The following LYRM2 variants were observed in gnomAD, a reference collection of about 807,000 sequenced individuals.
LYRM2 encodes the protein LYR motif containing 2.
LYRM2 carries 8 observed loss-of-function variants against 11.6 expected under a neutral mutation model. The observed-to-expected ratio is 0.69, with a 90% CI of 0.40 to 1.24. The LOEUF is 1.24. LYRM2 is among the 50% of genes most tolerant of loss of function. LYRM2 has a pLI of 0.01. For synonymous variants in LYRM2, 30 were observed against 36.4 expected, an observed-to-expected ratio of 0.83 and a Z score of 0.63; for missense variants, 117 against 102.9, an observed-to-expected ratio of 1.14 and a Z score of -0.59.
chr6:89,638,726 A>C lies in LYRM2; in HGVS notation c.-10T>G, dbSNP rs1395159112. On this transcript the variant is annotated 5_prime_UTR_variant, in exon 1 of 3. Coordinates refer to ENST00000523377, the MANE Select transcript of LYRM2 (RefSeq NM_020466.5). ...AGCGGGAAGCAGCCATGTCCACCAG[A>C]GGTCCGCCGGAGCCTCAGCGCGCAG... 1 of 1,613,828 alleles carries C rather than the reference A, an allele frequency of 6.2e-7. No individual in the cohort carries two copies. The highest frequency in any genetic ancestry group is 1.3e-5 in the African/African-American group (1 of 74,918).
rs1346306780 is a variant in LYRM2, at chr6:89,633,974, G to A, written c.*3299C>T. The A allele has an allele frequency of 1.3e-5, 2 of 152,166 alleles. No homozygotes were observed. Among genetic ancestry groups the A allele is most frequent in the African/African-American group, 4.8e-5 (2 of 41,440 alleles). 9.4% of individuals were successfully genotyped at this position (152,166 alleles called of 1,614,324 possible). A position where few individuals can be genotyped will look rare whatever the true frequency, so the allele number is the denominator to read the frequency against. ...TACATTGGCTGTAAAGTCGCGATCA[G>A]GTGCTCTCCACCAAAAGCAAAACAA... On this transcript the variant is annotated 3_prime_UTR_variant, in exon 3 of 3. Coordinates refer to ENST00000523377, the MANE Select transcript of LYRM2 (RefSeq NM_020466.5).
chr6:89,637,381 A>G (rs1210498831), intron 2 of LYRM2, 28 bp from the exon 3 acceptor site: 1 of 1,440,884 alleles, frequency 6.9e-7, no homozygotes, highest in African/African-American at 1.4e-5. Context: ...ATCTGGTTAT[A>G]GTTTTACCTG....
rs1808012395 is a variant in LYRM2 at position 89,636,639 on chromosome 6, T to C, written c.*634A>G. The C allele has an allele frequency of 6.6e-6, 1 of 152,234 alleles. No homozygotes were observed. The allele number at this position is 152,234 out of a possible 1,614,324, so 9.4% of individuals were successfully genotyped here. A position where few individuals can be genotyped will look rare whatever the true frequency, so the allele number is the denominator to read the frequency against. On this transcript the variant is annotated 3_prime_UTR_variant, in exon 3 of 3. Coordinates refer to ENST00000523377, the MANE Select transcript of LYRM2 (RefSeq NM_020466.5). ...CACCAAGACTTATTATTATTTCTCT[T>C]TTTAATTACAGCCATTCTAGTGAAT...
rs1425061115 is a variant in LYRM2, at chr6:89,633,147, G to C, written c.*4126C>G. The C allele has an allele frequency of 6.6e-6, 1 of 152,102 alleles. No individual in the cohort carries two copies. The highest frequency in any genetic ancestry group is 2.4e-5 in the African/African-American group (1 of 41,398). The allele number at this position is 152,102 out of a possible 1,614,324, so 9.4% of individuals were successfully genotyped here. Reference sequence around the variant, plus strand: ...AAGAGACTACAGAAGAATGAGAAGGGTCAAAAGGACCTAGTGTGGCTTACT... The same window carrying C: ...AAGAGACTACAGAAGAATGAGAAGGCTCAAAAGGACCTAGTGTGGCTTACT... On this transcript the variant is annotated 3_prime_UTR_variant, in exon 3 of 3. Transcript: ENST00000523377.
rs1032523778 is a variant in LYRM2 at position 89,634,334 on chromosome 6, A to G, written c.*2939T>C. 1.3e-5 allele frequency: 2 copies of G among 152,166 alleles called. No individual in the cohort carries two copies. 9.4% of individuals were successfully genotyped at this position (152,166 alleles called of 1,614,324 possible). On this transcript the variant is annotated 3_prime_UTR_variant, in exon 3 of 3. Coordinates refer to ENST00000523377, the MANE Select transcript of LYRM2 (RefSeq NM_020466.5). ...ACTCTTTCCCTTTGATACGACTATA[A>G]TATTATAAACAGCAAGGAATATGTT... is the stretch of plus-strand genomic sequence containing the variant.
At chr6:89,637,609 A>T (rs1236718177) in intron 2 of LYRM2, 133 bp downstream of exon 2, 2 of 804,690 alleles carry the variant, frequency 2.5e-6, no homozygotes, top group Non-Finnish European at 3.9e-6. Flanking sequence ...AAAATCGGTA[A>T]CATTACAAGC....
At position 89,636,171 on chromosome 6, in the gene LYRM2, C is replaced by T. The variant is rs1245183694; in HGVS notation, c.*1102G>A. 1.3e-5 allele frequency: 2 copies of T among 152,194 alleles called. No individual in the cohort carries two copies. Among genetic ancestry groups the T allele is most frequent in the Non-Finnish European group, 2.9e-5 (2 of 68,032 alleles). 9.4% of individuals were successfully genotyped at this position (152,194 alleles called of 1,614,324 possible). A position where few individuals can be genotyped will look rare whatever the true frequency, so the allele number is the denominator to read the frequency against. On this transcript the variant is annotated 3_prime_UTR_variant, in exon 3 of 3. Transcript: ENST00000523377. ...TTATTGAGATACAATTCATACCTTA[C>T]ATTTAAAATGTACAGTTCAGTGGAT...
rs764225641 is a variant in LYRM2, at chr6:89,637,853, G to A, written c.75C>T (p.Leu25=). Residue 25 remains leucine, a synonymous_variant, in exon 2 of 3, where the codon CTC becomes CTT. Coordinates refer to ENST00000523377, the MANE Select transcript of LYRM2 (RefSeq NM_020466.5). ...QFVRRQQVLL[L]YRRILQTIRQ... ...GAATTGTTTGCAAAATCCTTCTGTAGAGGAGAAGAACTTGTTGCCTTCTTA... is the reference window on the plus strand; with the variant it reads ...GAATTGTTTGCAAAATCCTTCTGTAAAGGAGAAGAACTTGTTGCCTTCTTA... 8 of 1,614,052 alleles carry A rather than the reference G, an allele frequency of 5.0e-6. No homozygotes were observed. The South Asian group carries it at 8.8e-5, about 18-fold the overall frequency.
chr6:89,637,401 G>A, intron 2 of LYRM2, 48 bp from the exon 3 acceptor site: 1 of 1,209,360 alleles, frequency 8.3e-7, no homozygotes, highest in Non-Finnish European at 1.2e-6. Flanking sequence ...GGTTAAACAA[G>A]GTATAGCTAT....
At chr6:89,637,966 C>A in intron 1 of LYRM2, 84 bp from the exon 2 acceptor site, 1 of 1,323,236 alleles carries the variant, frequency 7.6e-7, no homozygotes. Flanking sequence ...AAGCTGTAAC[C>A]AGAGTACTTC....
rs1451136183 is a variant in LYRM2, at chr6:89,634,798, A to T, written c.*2475T>A. 2.0e-4 allele frequency: 30 copies of T among 151,940 alleles called. No individual in the cohort carries two copies. The highest frequency in any genetic ancestry group is 7.2e-4 in the African/African-American group (30 of 41,434). The allele number at this position is 151,940 out of a possible 1,614,324, so 9.4% of individuals were successfully genotyped here. ...ACTTCTAACTTGATGGCACTTTTTT[A>T]TTTTTTTTGAGACAAGAGTCTCACT... On this transcript the variant is annotated 3_prime_UTR_variant, in exon 3 of 3. Transcript: ENST00000523377.
intron 1 of LYRM2, chr6:89,638,178 G>GT (rs1808068500): frequency 4.1e-6 from 3 of 735,922 alleles, no homozygotes; most frequent in Non-Finnish European, 5.5e-6. Flanking sequence ...GTCTCAAAAA[G>GT]ATGTTTTAAA....
chr6:89,638,693 TG>T lies in LYRM2; in HGVS notation c.23del (p.Pro8GlnfsTer4). 1 of 1,613,996 alleles carries T rather than the reference TG, an allele frequency of 6.2e-7. No homozygotes were observed. Among genetic ancestry groups the T allele is most frequent in the Non-Finnish European group, 8.5e-7 (1 of 1,179,940 alleles). On this transcript the variant is annotated frameshift_variant, in exon 1 of 3. Transcript: ENST00000523377. LOFTEE classifies it high-confidence loss of function. MAASRLP[P>X]ATLTLKQFVR... ...GTACCTGCTTTAACGTTAGCGTCGCTGGGGGTAAGCGGGAAGCAGCCATGTC... is the reference window on the plus strand; with the variant it reads ...GTACCTGCTTTAACGTTAGCGTCGCTGGGGTAAGCGGGAAGCAGCCATGTC...
rs1188835690 is a variant in LYRM2 at position 89,634,607 on chromosome 6, A to G, written c.*2666T>C. On this transcript the variant is annotated 3_prime_UTR_variant, in exon 3 of 3. Coordinates refer to ENST00000523377, the MANE Select transcript of LYRM2 (RefSeq NM_020466.5). ...ATGCCTGTGGTCCCAGCTAAATGAA[A>G]ATCTGAAGCAGGTGGATCTCTTGAG... 2 of 151,980 alleles carry G rather than the reference A, an allele frequency of 1.3e-5. No homozygotes were observed. Among genetic ancestry groups the G allele is most frequent in the Non-Finnish European group, 2.9e-5 (2 of 68,000 alleles). 9.4% of individuals were successfully genotyped at this position (151,980 alleles called of 1,614,324 possible).
rs1807677623 is a variant in LYRM2, at chr6:89,632,851, T to C, written c.*4422A>G. 6.6e-6 allele frequency: 1 copy of C among 152,196 alleles called. No homozygotes were observed. Among genetic ancestry groups the C allele is most frequent in the Admixed American group, 6.5e-5 (1 of 15,290 alleles). 9.4% of individuals were successfully genotyped at this position (152,196 alleles called of 1,614,324 possible). ...TCACTAACCTCTTTAGAATCATTCCTCAGTATACATCAATTTATTGAGAAC... is the reference window on the plus strand; with the variant it reads ...TCACTAACCTCTTTAGAATCATTCCCCAGTATACATCAATTTATTGAGAAC... On this transcript the variant is annotated 3_prime_UTR_variant, in exon 3 of 3. Transcript: ENST00000523377.
chr6:89,637,779 C>T lies in LYRM2; in HGVS notation c.149G>A (p.Arg50Lys). ...SDRKYLKDWA[R>K]EEFRRNKSAT... ...ACTTTTGTTTCTTCTGAATTCTTCT[C>T]TTGCCCAATCTTTCAGGTATTTGCG... The change falls in exon 2 of 3, where the codon AGA (arginine) becomes AAA (lysine). Residue 50 changes from arginine (R) to lysine (K), a missense_variant. Transcript: ENST00000523377. The T allele has an allele frequency of 6.2e-7, 1 of 1,614,020 alleles. No homozygotes were observed. The highest frequency in any genetic ancestry group is 1.1e-5 in the South Asian group (1 of 91,088).
chr6:89,634,827 T>C lies in LYRM2; in HGVS notation c.*2446A>G, dbSNP rs1008424928. 8.5e-5 allele frequency: 13 copies of C among 152,242 alleles called. No homozygotes were observed. Among genetic ancestry groups the C allele is most frequent in the African/African-American group, 2.9e-4 (12 of 41,438 alleles). 9.4% of individuals were successfully genotyped at this position (152,242 alleles called of 1,614,324 possible). The stretch of plus-strand genomic sequence containing the variant: ...TTTTTGAGACAAGAGTCTCACTCTT[T>C]CGCCCAGGCTGTAGTGCAGTAGTGT... On this transcript the variant is annotated 3_prime_UTR_variant, in exon 3 of 3. Transcript: ENST00000523377.
In LYRM2 at chr6:89,637,871, C is replaced by T; in HGVS notation, c.57G>A (p.Arg19=). ...ATLTLKQFVR[R]QQVLLLYRRI... ...TTCTGTAGAGGAGAAGAACTTGTTG[C>T]CTTCTTACGAACTGTAAAAGGGAGG... Residue 19 remains arginine, a synonymous_variant, in exon 2 of 3, where the codon AGG becomes AGA. Transcript: ENST00000523377. 1 of 1,613,632 alleles carries T rather than the reference C, an allele frequency of 6.2e-7. No individual in the cohort carries two copies. Among genetic ancestry groups the T allele is most frequent in the South Asian group, 1.1e-5 (1 of 91,002 alleles).
At chr6:89,638,604 T>C in intron 1 of LYRM2, 68 bp downstream of exon 1, 1 of 1,610,576 alleles carries the variant, frequency 6.2e-7, no homozygotes, top group Non-Finnish European at 8.5e-7. Flanking sequence ...CCGTTGGGGA[T>C]AGGGACAGAT....
Sources: gnomAD v4.1 joint callset for allele counts on GRCh38, gnomAD v4.1.1 for gene constraint, MANE v1.5 for transcripts, NCBI Gene and HGNC (gene_info 2026-07-23, HGNC 2026-07-21) for gene names.